GALNTL6: variants seen among roughly 807,000 people sequenced by gnomAD.
GALNTL6 encodes the protein polypeptide N-acetylgalactosaminyltransferase like 6, also known as polypeptide N-acetylgalactosaminyltransferase-like 6.
A neutral mutation model predicts 73.7 loss-of-function variants in GALNTL6; 46 were observed. The ratio of observed to expected loss-of-function variants is 0.62; its 90% CI spans 0.49 to 0.80. The LOEUF (loss-of-function observed/expected upper bound fraction) is 0.80, where lower values mean the gene tolerates loss of function less well. Among genes scored for constraint, GALNTL6 ranks in the 30% least tolerant of loss-of-function variants. The probability of loss-of-function intolerance (pLI) is 0.00; values close to 1 mark genes in which losing one functional copy is unlikely to be tolerated. For missense variants in GALNTL6, 604 were observed against 755.0 expected (o/e 0.80, Z 2.34); for synonymous variants, 259 against 263.7 (o/e 0.98, Z 0.17).
intron 9 of GALNTL6, among the ~76,000 whole-genome samples, chr4:172,943,133 C>T (rs922682784): frequency 1.4e-5 from 2 of 147,902 alleles, no homozygotes; most frequent in African/African-American, 5.0e-5. Flanking sequence ...TAGGGCATAA[C>T]AGGCATTACA....
rs1268379781 is a variant in GALNTL6 at position 172,012,750 on chromosome 4, T to C, written c.138+198032T>C. Among the ~76,000 whole-genome samples the C allele has an allele frequency of 2.3e-4, 8 of 34,418 alleles. No homozygotes were observed. The South Asian group carries it at 0.022, about 93-fold the overall frequency. The allele number at this position is 34,418 out of a possible 152,430, so 22.6% of individuals were successfully genotyped here. A position where few individuals can be genotyped will look rare whatever the true frequency, so the allele number is the denominator to read the frequency against. ...TAATCTCCTCACATCATTATTATTG[T>C]TTTTTGTTTGTTTCTTTTTAAATTT... On this transcript the variant is annotated intron_variant, in intron 2 of 12. Coordinates refer to ENST00000506823, the MANE Select transcript of GALNTL6 (RefSeq NM_001034845.3).
chr4:171,959,254 A>G lies in GALNTL6; in HGVS notation c.138+144536A>G, dbSNP rs139208230. On this transcript the variant is annotated intron_variant, in intron 2 of 12. Coordinates refer to ENST00000506823, the MANE Select transcript of GALNTL6 (RefSeq NM_001034845.3). ...TTTTGAAAACAATATAATGCAGTTGAGAAATTGTTGCCTTATGAATGTAAA... is the reference window on the plus strand; with the variant it reads ...TTTTGAAAACAATATAATGCAGTTGGGAAATTGTTGCCTTATGAATGTAAA... Among the ~76,000 whole-genome samples, 260 of 152,292 alleles carry G rather than the reference A, an allele frequency of 1.7e-3. 2 individuals are homozygous for G. Among genetic ancestry groups the G allele is most frequent in the Admixed American group, 0.012 (176 of 15,292 alleles).
chr4:172,977,614 TGAGA>T (rs976590720), intron 10 of GALNTL6, among the ~76,000 whole-genome samples: 2 of 151,720 alleles, frequency 1.3e-5, no homozygotes, highest in Non-Finnish European at 2.9e-5. Context: ...CTGCATACTC[TGAGA>T]GAGAGAGGAT....
intron 5 of GALNTL6, among the ~76,000 whole-genome samples, chr4:172,604,861 A>T (rs1738197794): frequency 6.6e-6 from 1 of 152,228 alleles, no homozygotes; most frequent in Admixed American, 6.5e-5. Context: ...TGGACTTCAT[A>T]CATCAGTCTT....
chr4:172,444,224 A>C (rs1731939353), intron 5 of GALNTL6, among the ~76,000 whole-genome samples: 1 of 152,240 alleles, frequency 6.6e-6, no homozygotes, highest in African/African-American at 2.4e-5. Flanking sequence ...TTCTCAGTTC[A>C]AACCATCTTT....
chr4:172,552,631 T>C (rs1328887651), intron 5 of GALNTL6, among the ~76,000 whole-genome samples: 2 of 151,928 alleles, frequency 1.3e-5, no homozygotes, highest in Admixed American at 1.3e-4. Context: ...GTCTACCCGC[T>C]CTATATACTA....
chr4:171,916,403 T>A (rs1167973889), intron 2 of GALNTL6, among the ~76,000 whole-genome samples: 1 of 152,178 alleles, frequency 6.6e-6, no homozygotes, highest in Non-Finnish European at 1.5e-5. Context: ...AAATGGTATT[T>A]GTGGAAAATA....
intron 5 of GALNTL6, among the ~76,000 whole-genome samples, chr4:172,643,350 CAG>C (rs1453595079): frequency 6.6e-6 from 1 of 151,892 alleles, no homozygotes; most frequent in Non-Finnish European, 1.5e-5. Context: ...AAATCAGTAA[CAG>C]AATTTAAATT....
At chr4:172,236,750 A>G (rs550871961) in intron 3 of GALNTL6, among the ~76,000 whole-genome samples, 3 of 80,706 alleles carry the variant, frequency 3.7e-5, no homozygotes, top group South Asian at 1.2e-3. Flanking sequence ...TTTTAGGTAT[A>G]CATTTGCAGG....
intron 5 of GALNTL6, among the ~76,000 whole-genome samples, chr4:172,500,993 A>G (rs1166950948): frequency 6.6e-6 from 1 of 152,220 alleles, no homozygotes; most frequent in African/African-American, 2.4e-5. Context: ...TATACAAGAG[A>G]TCCTTGTGAT....
At chr4:172,597,887 G>C (rs1266325751) in intron 5 of GALNTL6, among the ~76,000 whole-genome samples, 1 of 151,870 alleles carries the variant, frequency 6.6e-6, no homozygotes, top group Admixed American at 6.6e-5. Context: ...CAGGCAGACA[G>C]AGTCCTAGTT....
At chr4:172,127,653 A>AT (rs1733340158) in intron 2 of GALNTL6, among the ~76,000 whole-genome samples, 2 of 152,248 alleles carry the variant, frequency 1.3e-5, no homozygotes, top group African/African-American at 4.8e-5. Context: ...GTATATGGGT[A>AT]TTTTGCCAAT....
chr4:172,369,831 C>T (rs541928956), intron 5 of GALNTL6, among the ~76,000 whole-genome samples: 18 of 152,228 alleles, frequency 1.2e-4, no homozygotes, highest in Admixed American at 2.0e-4. Context: ...CATGCAGCCC[C>T]GGTTCCCACC....
chr4:171,907,726 A>G (rs1008991433), intron 2 of GALNTL6, among the ~76,000 whole-genome samples: 11 of 151,124 alleles, frequency 7.3e-5, no homozygotes, highest in Admixed American at 2.6e-4. Context: ...GAGGCATCAC[A>G]CTACCTGACT....
intron 2 of GALNTL6, among the ~76,000 whole-genome samples, chr4:172,167,097 C>T (rs1579204492): frequency 6.6e-6 from 1 of 152,280 alleles, no homozygotes; most frequent in African/African-American, 2.4e-5. Flanking sequence ...ATAAGTTGTT[C>T]TCAATTCTGG....
chr4:172,068,395 T>A (rs1394858), intron 2 of GALNTL6, among the ~76,000 whole-genome samples: 2 of 108,460 alleles, frequency 1.8e-5, no homozygotes, highest in South Asian at 2.7e-4. Context: ...TTCTGGCTTC[T>A]GCCTGATGTT....
intron 2 of GALNTL6, among the ~76,000 whole-genome samples, chr4:172,057,730 AT>A (rs1560904276): frequency 3.9e-3 from 234 of 59,330 alleles, no homozygotes; most frequent in African/African-American, 0.015. Flanking sequence ...AAAAAAAAAT[AT>A]ATATATATAT....
intron 10 of GALNTL6, among the ~76,000 whole-genome samples, chr4:172,993,951 C>A (rs184993241): frequency 6.6e-6 from 1 of 152,102 alleles, no homozygotes; most frequent in African/African-American, 2.4e-5. Flanking sequence ...AAAATATTGG[C>A]TTTTGACACC....
intron 5 of GALNTL6, among the ~76,000 whole-genome samples, chr4:172,410,030 G>A (rs991649325): frequency 2.6e-5 from 4 of 151,814 alleles, no homozygotes; most frequent in Non-Finnish European, 5.9e-5. Context: ...TACATGTTAT[G>A]CTAATTATTC....
Sources: gnomAD v4.1 joint callset for allele counts (sites outside exome capture counted in the v4.1 genomes callset) on GRCh38, gnomAD v4.1.1 for gene constraint, MANE v1.5 for transcripts, NCBI Gene and HGNC (gene_info 2026-07-23, HGNC 2026-07-21) for gene names.